The following CFAP61 variants were observed in gnomAD, a reference collection of about 807,000 sequenced individuals.
The protein encoded by CFAP61 is cilia- and flagella-associated protein 61.
A neutral mutation model predicts 135.6 loss-of-function variants in CFAP61; 107 were observed. The ratio of observed to expected loss-of-function variants is 0.79; its 90% CI spans 0.67 to 0.93. The LOEUF (loss-of-function observed/expected upper bound fraction) is 0.93, where lower values mean the gene tolerates loss of function less well. CFAP61 is among the 40% of genes least tolerant of loss of function. CFAP61 has a pLI of 0.00. For synonymous variants in CFAP61, 575 were observed against 578.5 expected (o/e 0.99, Z 0.09); for missense variants, 1,507 against 1,556.2 (o/e 0.97, Z 0.53).
rs200946226 is a variant in CFAP61 at position 20,286,032 on chromosome 20, C to A, written c.2797-2577C>A. 8.0e-4 allele frequency among the ~76,000 whole-genome samples: 67 copies of A among 84,048 alleles called. 1 individual carries two copies. Among genetic ancestry groups the A allele is most frequent in the East Asian group, 5.4e-3 (16 of 2,980 alleles). 55.1% of individuals were successfully genotyped at this position (84,048 alleles called of 152,430 possible). On this transcript the variant is annotated intron_variant, in intron 22 of 26. Transcript: ENST00000245957. ...AAAGCAAACTTAAAAAAAAAAAAAA[C>A]ACCTCTAAAATAAGGGAAATTATCC... is the stretch of plus-strand genomic sequence containing the variant.
intron 1 of CFAP61, chr20:20,052,853 C>G (rs2043857524): frequency 1.2e-6 from 1 of 841,722 alleles, no homozygotes; most frequent in South Asian, 1.8e-5. Context: ...ATGCCTCGAG[C>G]ATTGCATTCT....
intron 6 of CFAP61, among the ~76,000 whole-genome samples, chr20:20,088,570 C>T (rs1013956425): frequency 1.3e-5 from 2 of 152,130 alleles, no homozygotes; most frequent in African/African-American, 4.8e-5. Flanking sequence ...GATTCAATTA[C>T]CTCCCACCAG....
intron 21 of CFAP61, among the ~76,000 whole-genome samples, chr20:20,263,730 G>A (rs1004852505): frequency 4.6e-5 from 7 of 152,164 alleles, no homozygotes; most frequent in African/African-American, 1.4e-4. Context: ...CATTCAGCTA[G>A]TGAAACAACC....
At chr20:20,267,379 A>T (rs2052850143) in intron 21 of CFAP61, 1 of 152,558 alleles carries the variant, frequency 6.6e-6, no homozygotes, top group Non-Finnish European at 1.5e-5. Flanking sequence ...CCTTTTAGGG[A>T]TGGGAGCTGA....
At chr20:20,345,647 G>T (rs1408373807) in intron 26 of CFAP61, among the ~76,000 whole-genome samples, 2 of 152,100 alleles carry the variant, frequency 1.3e-5, no homozygotes, top group Non-Finnish European at 1.5e-5. Context: ...TGGGCCGGGT[G>T]CAGTGGCTCA....
At chr20:20,327,665 TAATC>T (rs2057800851) in intron 25 of CFAP61, among the ~76,000 whole-genome samples, 1 of 146,156 alleles carries the variant, frequency 6.8e-6, no homozygotes, top group African/African-American at 2.5e-5. Flanking sequence ...TGTTATGACA[TAATC>T]AAGATCTTCC....
At chr20:20,128,214 C>A (rs769740211) in intron 8 of CFAP61, among the ~76,000 whole-genome samples, 2 of 151,852 alleles carry the variant, frequency 1.3e-5, no homozygotes, top group Non-Finnish European at 2.9e-5. Context: ...TTCTCACCAC[C>A]AGTTCAAATT....
chr20:20,284,196 C>T (rs1339487222), intron 22 of CFAP61, among the ~76,000 whole-genome samples: 1 of 151,902 alleles, frequency 6.6e-6, no homozygotes, highest in South Asian at 2.1e-4. Flanking sequence ...TTCCCCCTTG[C>T]CTGCTTTCTT....
At position 20,277,317 on chromosome 20, in the gene CFAP61, C is replaced by T. The variant is rs1259651682; in HGVS notation, c.2655C>T (p.Ala885=). Residue 885 remains alanine (A), a synonymous_variant, in exon 22 of 27, where the codon GCC becomes GCT. Transcript: ENST00000245957. ...TCINNYSVES[A]VADALGAAGV... ...TCAACAACTACTCGGTGGAGAGCGC[C>T]GTGGCGGACGCGCTAGGAGCCGCCG... The T allele has an allele frequency of 3.7e-6, 6 of 1,614,148 alleles. No homozygotes were observed. In the African/African-American group the frequency reaches 4.0e-5, roughly 11 times the overall value.
At chr20:20,259,341 C>T (rs923723607) in intron 20 of CFAP61, among the ~76,000 whole-genome samples, 2 of 149,434 alleles carry the variant, frequency 1.3e-5, no homozygotes, top group African/African-American at 4.9e-5. Flanking sequence ...GCAACCTTGA[C>T]CTCCCCGGCT....
chr20:20,135,436 A>G (rs1392808261), intron 8 of CFAP61, among the ~76,000 whole-genome samples: 1 of 152,234 alleles, frequency 6.6e-6, no homozygotes, highest in Non-Finnish European at 1.5e-5. Context: ...ATGTCAAGAA[A>G]TAAGGACTTA....
intron 22 of CFAP61, among the ~76,000 whole-genome samples, chr20:20,280,002 A>G (rs1356902720): frequency 6.6e-6 from 1 of 151,896 alleles, no homozygotes; most frequent in Non-Finnish European, 1.5e-5. Context: ...CATCCTCTTC[A>G]CTATGGTCTT....
chr20:20,107,997 A>G (rs1370257183), intron 8 of CFAP61, among the ~76,000 whole-genome samples: 1 of 152,228 alleles, frequency 6.6e-6, no homozygotes, highest in Non-Finnish European at 1.5e-5. Context: ...GCAAATCACA[A>G]AAGTAGTTAT....
chr20:20,098,115 C>A (rs1471132833), intron 7 of CFAP61, among the ~76,000 whole-genome samples: 1 of 152,136 alleles, frequency 6.6e-6, no homozygotes, highest in Non-Finnish European at 1.5e-5. Flanking sequence ...AGAACTCTGG[C>A]AATTTCCCTG....
intron 9 of CFAP61, among the ~76,000 whole-genome samples, chr20:20,153,069 A>G (rs1306667147): frequency 6.6e-6 from 1 of 152,170 alleles, no homozygotes; most frequent in Non-Finnish European, 1.5e-5. Context: ...TCCAAAAGGA[A>G]CCCTCAAAAC....
intron 24 of CFAP61, among the ~76,000 whole-genome samples, chr20:20,297,057 G>C (rs565932411): frequency 6.6e-6 from 1 of 151,742 alleles, no homozygotes; most frequent in Non-Finnish European, 1.5e-5. Context: ...TCTCACACAC[G>C]CACCTGGGGG....
At chr20:20,274,868 A>G (rs1388253951) in intron 21 of CFAP61, among the ~76,000 whole-genome samples, 2 of 152,204 alleles carry the variant, frequency 1.3e-5, no homozygotes, top group Admixed American at 6.5e-5. Context: ...AAGAACTATA[A>G]CTAGTCTTAG....
chr20:20,179,606 G>A (rs913424657), intron 13 of CFAP61, among the ~76,000 whole-genome samples: 4 of 152,076 alleles, frequency 2.6e-5, no homozygotes, highest in African/African-American at 9.7e-5. Context: ...AAAGCTGGAG[G>A]CATCACCCTA....
chr20:20,310,906 C>A (rs1273111434), intron 25 of CFAP61, among the ~76,000 whole-genome samples: 1 of 152,156 alleles, frequency 6.6e-6, no homozygotes, highest in African/African-American at 2.4e-5. Flanking sequence ...GAGGGAGAGT[C>A]CCTCCTCAGG....
Sources: allele counts gnomAD v4.1 joint callset (sites outside exome capture counted in the v4.1 genomes callset), GRCh38; gene constraint gnomAD v4.1.1; transcripts MANE v1.5; gene names NCBI Gene and HGNC (gene_info 2026-07-23, HGNC 2026-07-21).